The following C10orf67 variants were observed in gnomAD, a reference collection of about 807,000 sequenced individuals.
C10orf67 encodes uncharacterized protein C10orf67, mitochondrial.
In C10orf67, 60 loss-of-function variants were observed where a neutral mutation model predicts 35.6. The ratio of observed to expected loss-of-function variants is 1.68; its 90% confidence interval spans 1.37 to 2.09. The LOEUF (loss-of-function observed/expected upper bound fraction) is 2.09, where lower values mean the gene tolerates loss of function less well. Ranked by LOEUF, C10orf67 falls within the 30% of genes most tolerant of loss-of-function variation. The pLI is 0.00. For missense variants in C10orf67, 474 were observed against 330.2 expected, an observed-to-expected ratio of 1.44 and a Z score of -3.38; for synonymous variants, 167 against 115.8, an observed-to-expected ratio of 1.44 and a Z score of -2.84.
intron 4 of C10orf67, among the ~76,000 whole-genome samples, chr10:23,319,613 C>T (rs928990128): frequency 1.3e-5 from 2 of 152,252 alleles, no homozygotes; most frequent in African/African-American, 4.8e-5. Flanking sequence ...AACTAATTTA[C>T]ATTCCCATCA....
At chr10:23,218,637 T>C (rs940331422) in intron 15 of C10orf67, among the ~76,000 whole-genome samples, 1 of 152,176 alleles carries the variant, frequency 6.6e-6, no homozygotes, top group Non-Finnish European at 1.5e-5. Context: ...AGGTAACTGA[T>C]GGTAACAAGG....
At chr10:23,322,609 T>C (rs1334150574) in intron 2 of C10orf67, 72 bp from the exon 3 acceptor site, 3 of 1,036,060 alleles carry the variant, frequency 2.9e-6, no homozygotes, top group Non-Finnish European at 4.2e-6. Flanking sequence ...TGTTGTCACT[T>C]GCTAAGTGGG....
chr10:23,332,103 GA>G (rs1424462565), intron 2 of C10orf67, among the ~76,000 whole-genome samples: 5 of 152,180 alleles, frequency 3.3e-5, no homozygotes, highest in Admixed American at 3.3e-4. Flanking sequence ...ACTGGCATAT[GA>G]GTATGTGCAG....
intron 1 of C10orf67, among the ~76,000 whole-genome samples, chr10:23,340,243 G>A (rs1437526666): frequency 6.6e-6 from 1 of 151,558 alleles, no homozygotes; most frequent in East Asian, 1.9e-4. Flanking sequence ...GCTGGGTGTG[G>A]TGGCTCACAC....
intron 5 of C10orf67, among the ~76,000 whole-genome samples, chr10:23,292,998 T>TTGTG (rs35211468): frequency 6.7e-5 from 10 of 148,592 alleles, no homozygotes; most frequent in Non-Finnish European, 1.0e-4. Flanking sequence ...CTAAAAGGTT[T>TTGTG]TGTGTGTGTG....
rs1357704474 is a variant in C10orf67 at position 23,225,202 on chromosome 10, A to G, written c.1435-1384T>C. Among the ~76,000 whole-genome samples, 184 of 152,040 alleles carry G rather than the reference A, an allele frequency of 1.2e-3. 1 individual carries two copies. The highest frequency in any genetic ancestry group is 4.2e-3 in the African/African-American group (176 of 41,458). On this transcript the variant is annotated intron_variant, in intron 13 of 15. Transcript: ENST00000636213. ...GAAACTCTACAAGCCAGAAGAGAGT[A>G]GGGGCCAATATTCAACATTCTTAAA...
intron 4 of C10orf67, among the ~76,000 whole-genome samples, chr10:23,312,913 C>T (rs11013381): frequency 0.26 from 39,589 of 152,066 alleles, 6,524 homozygotes; most frequent in Non-Finnish European, 0.36. Context: ...TAGAGGACTG[C>T]GTTCGGACTC....
chr10:23,341,716 T>C (rs1445089937), intron 1 of C10orf67, among the ~76,000 whole-genome samples: 1 of 152,170 alleles, frequency 6.6e-6, no homozygotes, highest in African/African-American at 2.4e-5. Flanking sequence ...CTGGCCTCCT[T>C]GCTGCTCCTA....
rs149854607 is a variant in C10orf67 at position 23,326,940 on chromosome 10, A to G, written c.328-4403T>C. ...ATTGCATAAAACAATATGAAGAGTT[A>G]ACTGCAAAAATATTAGGAGAAAACA... is the stretch of plus-strand genomic sequence containing the variant. On this transcript the variant is annotated intron_variant, in intron 2 of 15. Coordinates refer to ENST00000636213, the MANE Select transcript of C10orf67 (RefSeq NM_001371909.1). Among the ~76,000 whole-genome samples, 321 of 152,272 alleles carry G rather than the reference A, an allele frequency of 2.1e-3. 3 individuals carry two copies. The highest frequency in any genetic ancestry group is 7.2e-3 in the African/African-American group (300 of 41,578).
intron 15 of C10orf67, among the ~76,000 whole-genome samples, chr10:23,211,319 C>T (rs539920527): frequency 6.6e-6 from 1 of 152,308 alleles, no homozygotes; most frequent in South Asian, 2.1e-4. Flanking sequence ...GGACGTGTTC[C>T]TCTTATGACA....
chr10:23,308,968 C>T (rs1325136301), intron 4 of C10orf67, among the ~76,000 whole-genome samples: 1 of 152,048 alleles, frequency 6.6e-6, no homozygotes, highest in Non-Finnish European at 1.5e-5. Flanking sequence ...TATGTCCTTT[C>T]TCTATCCTGT....
At chr10:23,216,922 A>G (rs2132095200) in intron 15 of C10orf67, among the ~76,000 whole-genome samples, 1 of 152,318 alleles carries the variant, frequency 6.6e-6, no homozygotes. Context: ...TCTTACTTTT[A>G]TGACTCAAGC....
chr10:23,226,844 A>G (rs1469830055), intron 13 of C10orf67, among the ~76,000 whole-genome samples: 1 of 152,230 alleles, frequency 6.6e-6, no homozygotes, highest in Non-Finnish European at 1.5e-5. Context: ...ATCTAGAAGA[A>G]ATGGAAAAAT....
chr10:23,322,481 C>T lies in C10orf67; in HGVS notation c.384G>A (p.Lys128=), dbSNP rs777929667. 6.2e-7 allele frequency: 1 copy of T among 1,612,758 alleles called. No individual in the cohort carries two copies. The highest frequency in any genetic ancestry group is 2.2e-5 in the East Asian group (1 of 44,868). ...FGFLKQLLQL[K]FEDRLKEESL... ...ATTCCTCTTTCAGTCGGTCCTCAAA[C>T]TTCAACTGAAGCAATTGTTTGAGGA... The change falls in exon 3 of 16, where the codon AAG becomes AAA. Residue 128 remains lysine (K), a synonymous_variant. Coordinates refer to ENST00000636213, the MANE Select transcript of C10orf67 (RefSeq NM_001371909.1).
chr10:23,322,315 T>C, intron 3 of C10orf67, 79 bp downstream of exon 3: 1 of 1,442,242 alleles, frequency 6.9e-7, no homozygotes, highest in Non-Finnish European at 9.4e-7. Context: ...CACAAGTTAC[T>C]AAATTCTAAA....
intron 11 of C10orf67, 31 bp from the exon 12 acceptor site, chr10:23,250,551 G>A (rs1842420164): frequency 7.5e-6 from 3 of 398,358 alleles, no homozygotes; most frequent in Non-Finnish European, 1.3e-5. Flanking sequence ...GTTAAATATT[G>A]TATTAGTTAC....
chr10:23,209,140 G>A (rs371823651), intron 15 of C10orf67, among the ~76,000 whole-genome samples: 2 of 152,052 alleles, frequency 1.3e-5, no homozygotes, highest in African/African-American at 4.8e-5. Context: ...GAGAGGGAGG[G>A]GTTACGAATG....
intron 10 of C10orf67, among the ~76,000 whole-genome samples, chr10:23,260,374 G>A (rs2132181144): frequency 6.6e-6 from 1 of 151,806 alleles, no homozygotes; most frequent in East Asian, 1.9e-4. Context: ...ATTGCCGGCA[G>A]ACCAAAAGGA....
intron 5 of C10orf67, among the ~76,000 whole-genome samples, chr10:23,296,402 A>G (rs1843881180): frequency 6.6e-6 from 1 of 152,014 alleles, no homozygotes; most frequent in Non-Finnish European, 1.5e-5. Context: ...AGCTCTCCTT[A>G]CTATCTGATT....
Sources: gnomAD v4.1 joint callset for allele counts (sites outside exome capture counted in the v4.1 genomes callset) on GRCh38, gnomAD v4.1.1 for gene constraint, MANE v1.5 for transcripts, NCBI Gene and HGNC (gene_info 2026-07-23, HGNC 2026-07-21) for gene names.